Variants in MYO16 observed in about 807,000 individuals in gnomAD.
MYO16 encodes the protein myosin XVI, also known as unconventional myosin-XVI.
MYO16 carries 94 observed loss-of-function variants against 205.3 expected under a neutral mutation model. The ratio of observed to expected loss-of-function variants is 0.46; its 90% CI spans 0.39 to 0.54. The LOEUF is 0.54. MYO16 is among the 20% of genes least tolerant of loss of function. The pLI is 0.00. For missense variants in MYO16, 2,315 were observed against 2,387.5 expected (o/e 0.97, Z 0.63); for synonymous variants, 988 against 954.0 (o/e 1.04, Z -0.66).
At chr13:108,973,489 G>A (rs1438575219) in intron 20 of MYO16, among the ~76,000 whole-genome samples, 1 of 152,112 alleles carries the variant, frequency 6.6e-6, no homozygotes, top group African/African-American at 2.4e-5. Flanking sequence ...GATAATAAGG[G>A]AAATTATTTT....
chr13:108,908,849 T>C (rs1261711751), intron 15 of MYO16, among the ~76,000 whole-genome samples: 1 of 151,898 alleles, frequency 6.6e-6, no homozygotes, highest in Non-Finnish European at 1.5e-5. Flanking sequence ...GACACACACC[T>C]GTGGTCCCAG....
chr13:108,785,690 C>T lies in MYO16; in HGVS notation c.563C>T (p.Ala188Val). The T allele has an allele frequency of 1.9e-6, 3 of 1,613,510 alleles. No homozygotes were observed. Among genetic ancestry groups the T allele is most frequent in the Non-Finnish European group, 2.5e-6 (3 of 1,179,850 alleles). Residue 188 changes from alanine (A) to valine (V), a missense_variant, in exon 5 of 35, where the codon GCT becomes GTT. Around this residue, in one of 3 missense-constraint regions of MYO16, gnomAD observed 1,213 missense variants for 1,274.4 expected, o/e 0.95. Coordinates refer to ENST00000457511, the MANE Select transcript of MYO16 (RefSeq NM_001198950.3). ...DVNGNIPLDY[A>V]VEGTESSSIL... ...AATGGAAATATCCCATTAGATTATG[C>T]TGTAGAAGGGACAGAATCCAGCTCT... is the stretch of plus-strand genomic sequence containing the variant.
At chr13:108,921,362 G>T (rs1206006949) in intron 16 of MYO16, among the ~76,000 whole-genome samples, 1 of 152,142 alleles carries the variant, frequency 6.6e-6, no homozygotes, top group Non-Finnish European at 1.5e-5. Context: ...CTCCAGCCTG[G>T]CCTTGTCCCC....
At chr13:109,170,346 C>T (rs1878874401) in intron 33 of MYO16, among the ~76,000 whole-genome samples, 1 of 152,104 alleles carries the variant, frequency 6.6e-6, no homozygotes, top group Non-Finnish European at 1.5e-5. Context: ...TACTACTACA[C>T]ACACTCTAGA....
chr13:108,823,196 G>A lies in MYO16; in HGVS notation c.1015G>A (p.Glu339Lys), dbSNP rs765565918. Residue 339 changes from glutamate to lysine, a missense_variant, in exon 9 of 35, where the codon GAG becomes AAG. Physicochemically the swap from Glu to Lys is moderately conservative, Grantham distance 56. This residue lies in a region of MYO16 where 1,213 missense variants were observed against 1,274.4 expected (regional missense o/e 0.95). Coordinates refer to ENST00000457511, the MANE Select transcript of MYO16 (RefSeq NM_001198950.3). Reference protein sequence around the residue: ...AEIAWEEKMKEPLSASTLAQE... With the variant: ...AEIAWEEKMKKPLSASTLAQE... The stretch of plus-strand genomic sequence containing the variant: ...AATTGCCTGGGAAGAAAAAATGAAA[G>A]AGCCTTTATCTGCTTCTACCTTAGC... 6.2e-7 allele frequency: 1 copy of A among 1,613,142 alleles called. No homozygotes were observed. The highest frequency in any genetic ancestry group is 8.5e-7 in the Non-Finnish European group (1 of 1,179,494).
At chr13:108,740,183 CTGTGTTCCTTTGGAGG>C (rs1294075610) in intron 4 of MYO16, among the ~76,000 whole-genome samples, 1,677 of 15,982 alleles carry the variant, frequency 0.1, 37 homozygotes, top group African/African-American at 0.16. Flanking sequence ...TGGCAAGGAG[CTGTGTTCCTTTGGAGG>C]GGGAGAGGTG....
At chr13:108,548,489 G>A in the MYO16 span, among the ~76,000 whole-genome samples, 12 of 151,566 alleles carry the variant, frequency 7.9e-5, no homozygotes, top group African/African-American at 2.9e-4. Context: ...TGATGCTGGT[G>A]GTAGTTGTGT....
chr13:108,750,170 C>T (rs2116242), intron 4 of MYO16, among the ~76,000 whole-genome samples: 149,482 of 152,346 alleles, frequency 0.98, 73,386 homozygotes, highest in Middle Eastern at 1. Flanking sequence ...CTAGTCTGTA[C>T]GATATTGTGA....
At chr13:108,736,547 C>CT (rs1336365888) in intron 4 of MYO16, among the ~76,000 whole-genome samples, 1 of 152,140 alleles carries the variant, frequency 6.6e-6, no homozygotes, top group African/African-American at 2.4e-5. Flanking sequence ...TTACTATAAC[C>CT]TTGTAGTATA....
chr13:109,028,002 C>A (rs1392986868), intron 23 of MYO16, among the ~76,000 whole-genome samples: 1 of 151,970 alleles, frequency 6.6e-6, no homozygotes, highest in Non-Finnish European at 1.5e-5. Flanking sequence ...AGAGTCAATT[C>A]TTTTATCTTA....
At chr13:108,917,728 A>C (rs1015816584) in intron 16 of MYO16, among the ~76,000 whole-genome samples, 3 of 152,230 alleles carry the variant, frequency 2.0e-5, no homozygotes, top group African/African-American at 7.2e-5. Flanking sequence ...TTTTGGCCAG[A>C]GGCCCTATAT....
chr13:108,756,435 G>T (rs546492044), intron 4 of MYO16, among the ~76,000 whole-genome samples: 1 of 151,888 alleles, frequency 6.6e-6, no homozygotes, highest in South Asian at 2.1e-4. Context: ...CTATGCCCAA[G>T]GTCTAAGAAA....
the MYO16 span, among the ~76,000 whole-genome samples, chr13:108,548,616 GGAT>G: frequency 9.3e-4 from 142 of 151,990 alleles, no homozygotes; most frequent in African/African-American, 3.2e-3. Flanking sequence ...ATAATGGTGT[GGAT>G]GATGATGATA....
intron 16 of MYO16, among the ~76,000 whole-genome samples, chr13:108,952,519 A>G (rs1425689033): frequency 6.6e-5 from 10 of 152,210 alleles, no homozygotes; most frequent in Non-Finnish European, 1.5e-4. Context: ...CACCCAGTGG[A>G]GAATTTGGCC....
At chr13:108,500,835 A>G in the MYO16 span, among the ~76,000 whole-genome samples, 1 of 152,112 alleles carries the variant, frequency 6.6e-6, no homozygotes, top group Non-Finnish European at 1.5e-5. Context: ...ATTTTCTATC[A>G]TCTGCAGCAT....
chr13:108,825,604 A>G (rs1006244729), intron 9 of MYO16, among the ~76,000 whole-genome samples: 1 of 150,888 alleles, frequency 6.6e-6, no homozygotes, highest in Non-Finnish European at 1.5e-5. Context: ...TAAATAAATA[A>G]ATGAATAGTA....
chr13:108,951,271 C>T (rs1883139263), intron 16 of MYO16, among the ~76,000 whole-genome samples: 1 of 152,186 alleles, frequency 6.6e-6, no homozygotes, highest in Non-Finnish European at 1.5e-5. Flanking sequence ...TTTAGTTGCA[C>T]TTGGTTTTCT....
chr13:108,583,883 A>G, the MYO16 span, among the ~76,000 whole-genome samples: 7 of 152,234 alleles, frequency 4.6e-5, no homozygotes, highest in African/African-American at 1.7e-4. Flanking sequence ...TTGAAAAGAC[A>G]TTATCAAAAG....
intron 2 of MYO16, among the ~76,000 whole-genome samples, chr13:108,666,458 G>C (rs545345489): frequency 6.6e-6 from 1 of 151,808 alleles, no homozygotes; most frequent in South Asian, 2.1e-4. Flanking sequence ...TAATTGTTAG[G>C]GAAACTTTTT....
Sources: gnomAD v4.1 joint callset for allele counts (sites outside exome capture counted in the v4.1 genomes callset) on GRCh38, gnomAD v4.1.1 for gene constraint, gnomAD v4.1.1 regional missense constraint, MANE v1.5 for transcripts, NCBI Gene and HGNC (gene_info 2026-07-23, HGNC 2026-07-21) for gene names.